SPINT1: variants seen among roughly 807,000 people sequenced by gnomAD.
The protein encoded by SPINT1 is kunitz-type protease inhibitor 1.
SPINT1 carries 38 observed loss-of-function variants against 53.7 expected under a neutral mutation model. The ratio of observed to expected loss-of-function variants is 0.71; its 90% CI spans 0.55 to 0.93. The LOEUF is 0.93. SPINT1 is among the 40% of genes least tolerant of loss of function. The pLI is 0.00. For missense variants in SPINT1, 645 were observed against 692.9 expected, an observed-to-expected ratio of 0.93 and a Z score of 0.78; for synonymous variants, 283 against 280.6, an observed-to-expected ratio of 1.01 and a Z score of -0.08.
chr15:40,849,209 G>C (rs1245539927), intron 2 of SPINT1, among the ~76,000 whole-genome samples: 2 of 150,952 alleles, frequency 1.3e-5, no homozygotes, highest in Non-Finnish European at 2.9e-5. Context: ...TCACGCCACT[G>C]CCCTCCAGTC....
Position 40,857,024 on chromosome 15 carries a change from G to C in SPINT1, c.*49G>C, listed in dbSNP as rs1259459765. 1.9e-6 allele frequency: 3 copies of C among 1,603,062 alleles called. No individual in the cohort carries two copies. The highest frequency in any genetic ancestry group is 3.4e-5 in the Admixed American group (2 of 59,590). ...CTGGCCCTGCTTCCTGCTTGCCAAG[G>C]CAGAGGCCTGGGCTGGGAAAAACTT... On this transcript the variant is annotated 3_prime_UTR_variant, in exon 11 of 11. Coordinates refer to ENST00000562057, the MANE Select transcript of SPINT1 (RefSeq NM_003710.4).
At chr15:40,845,317 A>ATT (rs1566852110) in intron 2 of SPINT1, among the ~76,000 whole-genome samples, 30 of 79,666 alleles carry the variant, frequency 3.8e-4, no homozygotes, top group African/African-American at 1.3e-3. Context: ...AGACCCGGCT[A>ATT]ATTTTTTTTT....
At position 40,852,541 on chromosome 15, in the gene SPINT1, G is replaced by A. The variant is rs116374191; in HGVS notation, c.476-583G>A. Among the ~76,000 whole-genome samples the A allele has an allele frequency of 6.0e-3, 906 of 152,132 alleles. 19 individuals are homozygous for A. Among genetic ancestry groups the A allele is most frequent in the African/African-American group, 0.021 (867 of 41,488 alleles). On this transcript the variant is annotated intron_variant, in intron 2 of 10. Transcript: ENST00000562057. The stretch of plus-strand genomic sequence containing the variant: ...CAAGTCAAGGAAGGGCGTGGCTCCC[G>A]GGACCCCTTGTAACTGGAGGCCGAG...
chr15:40,849,656 A>G (rs1891398415), intron 2 of SPINT1, among the ~76,000 whole-genome samples: 1 of 152,254 alleles, frequency 6.6e-6, no homozygotes, highest in Non-Finnish European at 1.5e-5. Context: ...GATAACCTAT[A>G]GAATTACGTT....
At position 40,852,770 on chromosome 15, in the gene SPINT1, G is replaced by A. The variant is rs1051459078; in HGVS notation, c.476-354G>A. Among the ~76,000 whole-genome samples the A allele has an allele frequency of 1.8e-4, 28 of 151,654 alleles. 1 individual carries two copies. Among genetic ancestry groups the A allele is most frequent in the African/African-American group, 5.1e-4 (21 of 41,246 alleles). ...TTTAGTCCCAGCTACTCACGAGGCC[G>A]AGGCAGGAGGATTGCTTGAGTTTGA... On this transcript the variant is annotated intron_variant, in intron 2 of 10. Transcript: ENST00000562057.
rs1891711160 is a variant in SPINT1 at position 40,858,080 on chromosome 15, C to T, written c.*1105C>T. ...TGGCTTCTGCGCTGGAGTGCAGCAC[C>T]CCCAACCAGGCTCTGAGCTCCTTCC... On this transcript the variant is annotated 3_prime_UTR_variant, in exon 11 of 11. Coordinates refer to ENST00000562057, the MANE Select transcript of SPINT1 (RefSeq NM_003710.4). The T allele has an allele frequency of 6.6e-6, 1 of 152,032 alleles. No homozygotes were observed. The highest frequency in any genetic ancestry group is 6.6e-5 in the Admixed American group (1 of 15,260). 9.4% of individuals were successfully genotyped at this position (152,032 alleles called of 1,614,324 possible). A position where few individuals can be genotyped will look rare whatever the true frequency, so the allele number is the denominator to read the frequency against.
intron 3 of SPINT1, 53 bp downstream of exon 3, chr15:40,853,304 A>T: frequency 6.2e-7 from 1 of 1,611,922 alleles, no homozygotes; most frequent in Non-Finnish European, 8.5e-7. Flanking sequence ...GCCTTCTTGG[A>T]GCCCCTTTCT....
At chr15:40,846,117 G>T (rs538192184) in intron 2 of SPINT1, among the ~76,000 whole-genome samples, 6 of 152,192 alleles carry the variant, frequency 3.9e-5, no homozygotes, top group East Asian at 3.9e-4. Context: ...GTGTGCATGC[G>T]CATGAGCCAG....
At chr15:40,856,095 G>T (rs1315207960) in intron 9 of SPINT1, 33 bp downstream of exon 9, 1 of 1,611,730 alleles carries the variant, frequency 6.2e-7, no homozygotes. Context: ...GGGCATGTAT[G>T]GGGGAAGGCT....
chr15:40,844,251 T>A lies in SPINT1; in HGVS notation c.-66+65T>A, dbSNP rs1891195420. ...GAGCGGGCTGGAGCATGTCCGGCCC[T>A]TTGTTCTGCGCTCGTGCGTGTGTCC... On this transcript the variant is annotated intron_variant, in intron 1 of 10. Coordinates refer to ENST00000562057, the MANE Select transcript of SPINT1 (RefSeq NM_003710.4). This position sits in a 1 kb window ranked among gnomAD's most constrained non-coding sequence, Gnocchi z 5.8. 1 of 498,600 alleles carries A rather than the reference T, an allele frequency of 2.0e-6. No homozygotes were observed. The highest frequency in any genetic ancestry group is 3.4e-5 in the Admixed American group (1 of 29,288). The allele number at this position is 498,600 out of a possible 1,614,324, so 30.9% of individuals were successfully genotyped here.
chr15:40,847,947 G>T (rs1891345652), intron 2 of SPINT1, among the ~76,000 whole-genome samples: 1 of 152,110 alleles, frequency 6.6e-6, no homozygotes, highest in Non-Finnish European at 1.5e-5. Context: ...TCCCTTGGCA[G>T]GTGTTCTCAG....
In SPINT1 at chr15:40,844,157, G is replaced by T. The variant is rs752549240; in HGVS notation, c.-95G>T. 2.3e-6 allele frequency: 1 copy of T among 439,032 alleles called. No individual in the cohort carries two copies. Among genetic ancestry groups the T allele is most frequent in the South Asian group, 1.6e-5 (1 of 61,216 alleles). The allele number at this position is 439,032 out of a possible 1,614,324, so 27.2% of individuals were successfully genotyped here. ...GGAAGCTGGGACCGGAACCTCGGCG[G>T]ACCCGGCCCCACCCAACTCACCTGC... On this transcript the variant is annotated 5_prime_UTR_variant, in exon 1 of 11. Transcript: ENST00000562057. This position sits in a 1 kb window ranked among gnomAD's most constrained non-coding sequence, Gnocchi z 5.8.
chr15:40,848,282 C>G (rs1339774949), intron 2 of SPINT1, among the ~76,000 whole-genome samples: 1 of 152,082 alleles, frequency 6.6e-6, no homozygotes. Context: ...AGCTCTTTAC[C>G]TTCTCTTCTT....
intron 2 of SPINT1, 102 bp from the exon 3 acceptor site, chr15:40,853,022 G>T (rs768778171): frequency 2.5e-5 from 37 of 1,469,520 alleles, no homozygotes; most frequent in Non-Finnish European, 3.3e-5. Context: ...GTCCCAGTTT[G>T]GTCTAGGTGG....
intron 2 of SPINT1, among the ~76,000 whole-genome samples, chr15:40,846,100 C>T (rs1891287453): frequency 6.6e-6 from 1 of 152,200 alleles, no homozygotes; most frequent in Non-Finnish European, 1.5e-5. Context: ...GCTGTCCAGG[C>T]AGGTGTGTGT....
chr15:40,844,325 G>T lies in SPINT1; in HGVS notation c.-66+139G>T, dbSNP rs953396115. On this transcript the variant is annotated intron_variant, in intron 1 of 10. Transcript: ENST00000562057. This position sits in a 1 kb window ranked among gnomAD's most constrained non-coding sequence, Gnocchi z 5.8. The stretch of plus-strand genomic sequence containing the variant: ...CCGCCTGTCCGTCTGTCTGGCTGCC[G>T]GGTCCCTGGAGGGCGCGTGGGAGGG... 2 of 602,756 alleles carry T rather than the reference G, an allele frequency of 3.3e-6. No individual in the cohort carries two copies. The highest frequency in any genetic ancestry group is 2.0e-5 in the African/African-American group (1 of 51,114). 37.3% of individuals were successfully genotyped at this position (602,756 alleles called of 1,614,324 possible).
At chr15:40,845,995 G>A (rs1891284094) in intron 2 of SPINT1, among the ~76,000 whole-genome samples, 1 of 152,248 alleles carries the variant, frequency 6.6e-6, no homozygotes, top group Admixed American at 6.5e-5. Context: ...TGATGTTGTA[G>A]GCACAGAAGC....
intron 6 of SPINT1, 107 bp from the exon 7 acceptor site, chr15:40,854,290 G>A (rs1023391315): frequency 2.2e-5 from 33 of 1,483,786 alleles, no homozygotes; most frequent in Non-Finnish European, 2.8e-5. Flanking sequence ...GGGGTTGGTG[G>A]AAAGGGAATG....
rs544670776 is a variant in SPINT1, at chr15:40,844,912, A to G, written c.358A>G (p.Asn120Asp). ...EDAIAACFLINCLYEQNFVCK... is the reference protein window; with the variant it reads ...EDAIAACFLIDCLYEQNFVCK... Reference sequence around the variant, plus strand: ...CGCCATCGCCGCCTGCTTCCTCATCAACTGCCTCTACGAGCAGAACTTCGT... The same window carrying G: ...CGCCATCGCCGCCTGCTTCCTCATCGACTGCCTCTACGAGCAGAACTTCGT... Residue 120 changes from asparagine (N) to aspartate (D), a missense_variant, in exon 2 of 11, where the codon AAC becomes GAC. Transcript: ENST00000562057. The surrounding 1 kb of genome is among the most constrained non-coding windows in gnomAD (Gnocchi z 5.8). The G allele has an allele frequency of 1.9e-6, 3 of 1,613,944 alleles. No individual in the cohort carries two copies. Among genetic ancestry groups the G allele is most frequent in the African/African-American group, 2.7e-5 (2 of 75,036 alleles).
Sources: allele counts gnomAD v4.1 joint callset (sites outside exome capture counted in the v4.1 genomes callset), GRCh38; gene constraint gnomAD v4.1.1; non-coding constraint Gnocchi (gnomAD v3.1); transcripts MANE v1.5; gene names NCBI Gene and HGNC (gene_info 2026-07-23, HGNC 2026-07-21).